SLC4A4: variants seen among roughly 807,000 people sequenced by gnomAD.
SLC4A4 encodes solute carrier family 4 member 4.
In SLC4A4, 27 loss-of-function variants were observed where a neutral mutation model predicts 111.5. That is an observed-to-expected ratio of 0.24 (90% confidence interval 0.18 to 0.33). The LOEUF (loss-of-function observed/expected upper bound fraction) is 0.33, where lower values mean the gene tolerates loss of function less well. SLC4A4 is among the 10% of genes least tolerant of loss of function. The pLI, the probability that SLC4A4 is intolerant of heterozygous loss-of-function variation, is 1.00. For synonymous variants in SLC4A4, 443 were observed against 463.4 expected, an observed-to-expected ratio of 0.96 and a Z score of 0.57; for missense variants, 909 against 1,315.5, an observed-to-expected ratio of 0.69 and a Z score of 4.78.
intron 2 of SLC4A4, among the ~76,000 whole-genome samples, chr4:71,145,739 G>T (rs896849797): frequency 6.6e-6 from 1 of 152,142 alleles, no homozygotes; most frequent in Non-Finnish European, 1.5e-5. Context: ...TTGCGTAGAG[G>T]TGTTTATAGT....
intron 1 of SLC4A4, among the ~76,000 whole-genome samples, chr4:71,090,719 AG>A (rs1742364274): frequency 1.3e-5 from 2 of 152,234 alleles, no homozygotes; most frequent in South Asian, 4.1e-4. Flanking sequence ...AAAATGCTAA[AG>A]GTAGAATGGG....
intron 7 of SLC4A4, among the ~76,000 whole-genome samples, chr4:71,425,351 G>T (rs1034950235): frequency 2.0e-5 from 3 of 152,146 alleles, no homozygotes; most frequent in African/African-American, 7.2e-5. Flanking sequence ...AAACAGGCTG[G>T]TGGTTGTACT....
At chr4:71,331,057 C>T (rs949164582) in intron 3 of SLC4A4, among the ~76,000 whole-genome samples, 26 of 152,080 alleles carry the variant, frequency 1.7e-4, no homozygotes, top group African/African-American at 3.4e-4. Flanking sequence ...GTTAGAATGG[C>T]GATCATTAAA....
intron 1 of SLC4A4, 57 bp from the exon 2 acceptor site, chr4:71,236,519 A>C: frequency 6.6e-7 from 1 of 1,512,154 alleles, no homozygotes. Flanking sequence ...GGGCTGCTCC[A>C]AGTGGCTCGC....
At chr4:71,175,848 A>C (rs1745078695) in intron 2 of SLC4A4, among the ~76,000 whole-genome samples, 1 of 152,190 alleles carries the variant, frequency 6.6e-6, no homozygotes, top group African/African-American at 2.4e-5. Flanking sequence ...CCAAGCACAC[A>C]GCTGGAGATC....
At chr4:71,120,997 G>A (rs553853544) in intron 2 of SLC4A4, among the ~76,000 whole-genome samples, 10 of 152,344 alleles carry the variant, frequency 6.6e-5, no homozygotes, top group South Asian at 2.1e-4. Flanking sequence ...GGGTGGGCAC[G>A]CGCTCGGTAG....
chr4:71,069,367 A>C (rs1741610421), intron 1 of SLC4A4, among the ~76,000 whole-genome samples: 2 of 152,202 alleles, frequency 1.3e-5, no homozygotes, highest in Admixed American at 1.3e-4. Flanking sequence ...AAAAAAAACC[A>C]AAAAACAGAA....
intron 18 of SLC4A4, among the ~76,000 whole-genome samples, chr4:71,544,506 A>C (rs945969609): frequency 6.6e-6 from 1 of 152,024 alleles, no homozygotes; most frequent in African/African-American, 2.4e-5. Context: ...TTAGACACAC[A>C]AATAGGGAGG....
At chr4:71,323,859 G>A (rs2148869769) in intron 3 of SLC4A4, among the ~76,000 whole-genome samples, 1 of 152,068 alleles carries the variant, frequency 6.6e-6, no homozygotes, top group East Asian at 1.9e-4. Flanking sequence ...CTACTGTGTT[G>A]TTTTGGCATC....
intron 1 of SLC4A4, among the ~76,000 whole-genome samples, chr4:71,198,043 A>G (rs1254038640): frequency 2.0e-5 from 3 of 152,246 alleles, no homozygotes; most frequent in Non-Finnish European, 4.4e-5. Flanking sequence ...TGTTGTTCCT[A>G]TAAAATCTTT....
At chr4:71,097,967 G>A (rs1560717690) in intron 2 of SLC4A4, among the ~76,000 whole-genome samples, 1 of 152,130 alleles carries the variant, frequency 6.6e-6, no homozygotes, top group East Asian at 1.9e-4. Flanking sequence ...CACTCTGTAG[G>A]TTGTTTGTTT....
At chr4:71,142,517 T>C (rs1013378904) in intron 2 of SLC4A4, among the ~76,000 whole-genome samples, 1 of 152,034 alleles carries the variant, frequency 6.6e-6, no homozygotes, top group African/African-American at 2.4e-5. Flanking sequence ...TTCTTTCTTT[T>C]TGTTTGTTTG....
At chr4:71,199,994 G>C (rs1449506214) in intron 1 of SLC4A4, among the ~76,000 whole-genome samples, 1 of 152,178 alleles carries the variant, frequency 6.6e-6, no homozygotes, top group Non-Finnish European at 1.5e-5. Context: ...GAAAAAGCAG[G>C]TTAGAGCATG....
At chr4:71,340,799 T>C (rs976792087) in intron 4 of SLC4A4, among the ~76,000 whole-genome samples, 2 of 136,662 alleles carry the variant, frequency 1.5e-5, no homozygotes, top group Non-Finnish European at 3.0e-5. Flanking sequence ...ATATAAAACA[T>C]ATATGTAAAT....
chr4:71,321,805 T>C (rs561487186), intron 3 of SLC4A4, among the ~76,000 whole-genome samples: 19 of 152,012 alleles, frequency 1.2e-4, no homozygotes, highest in Non-Finnish European at 2.4e-4. Context: ...CCTACCACGA[T>C]GGCAATTAAA....
intron 7 of SLC4A4, among the ~76,000 whole-genome samples, chr4:71,408,678 T>C (rs1288924065): frequency 6.6e-6 from 1 of 152,260 alleles, no homozygotes; most frequent in East Asian, 1.9e-4. Flanking sequence ...TTTTTCTCTC[T>C]ACTTTTCCAA....
chr4:71,141,466 C>G (rs967303019), intron 2 of SLC4A4, among the ~76,000 whole-genome samples: 5 of 152,146 alleles, frequency 3.3e-5, no homozygotes, highest in Non-Finnish European at 5.9e-5. Flanking sequence ...ATCTCAGAAG[C>G]TGTGTATTTC....
intron 3 of SLC4A4, among the ~76,000 whole-genome samples, chr4:71,285,071 C>G (rs1352043124): frequency 6.6e-6 from 1 of 152,136 alleles, no homozygotes; most frequent in East Asian, 1.9e-4. Context: ...TGGGCAGAGT[C>G]TCAGTAGTCT....
chr4:71,105,255 C>T (rs1290432993), intron 2 of SLC4A4, among the ~76,000 whole-genome samples: 11 of 150,134 alleles, frequency 7.3e-5, no homozygotes, highest in Non-Finnish European at 1.5e-4. Context: ...CAAACCACTG[C>T]TCAATGAAAT....
Sources: allele counts gnomAD v4.1 joint callset (sites outside exome capture counted in the v4.1 genomes callset), GRCh38; gene constraint gnomAD v4.1.1; transcripts MANE v1.5; gene names NCBI Gene and HGNC (gene_info 2026-07-23, HGNC 2026-07-21).